LRP1B: variants seen among roughly 807,000 people sequenced by gnomAD.
LRP1B encodes LDL receptor related protein 1B.
Under a neutral mutation model 556.6 loss-of-function variants are expected in LRP1B, and 217 were observed. The ratio of observed to expected loss-of-function variants is 0.39; its 90% CI spans 0.35 to 0.44. The LOEUF is 0.44. LRP1B is among the 20% of genes least tolerant of loss of function. The pLI is 1.00. For missense variants in LRP1B, 5,053 were observed against 5,620.8 expected (o/e 0.90, Z 3.23); for synonymous variants, 2,047 against 1,865.8 (o/e 1.10, Z -2.50).
At chr2:141,221,663 T>A (rs530976877) in intron 6 of LRP1B, among the ~76,000 whole-genome samples, 9 of 152,262 alleles carry the variant, frequency 5.9e-5, no homozygotes, top group African/African-American at 2.2e-4. Flanking sequence ...CTAAAATGGA[T>A]CATATAATTG....
At chr2:140,500,574 A>G (rs978297811) in intron 55 of LRP1B, among the ~76,000 whole-genome samples, 2 of 151,980 alleles carry the variant, frequency 1.3e-5, no homozygotes, top group African/African-American at 4.8e-5. Flanking sequence ...TCTGCCTTGT[A>G]TTGAACAGAA....
chr2:141,481,894 A>T (rs886686364), intron 2 of LRP1B, among the ~76,000 whole-genome samples: 1 of 152,196 alleles, frequency 6.6e-6, no homozygotes, highest in Non-Finnish European at 1.5e-5. Context: ...ATCATAGTTA[A>T]GTAAAAAATG....
At chr2:141,453,710 G>A (rs1459271701) in intron 3 of LRP1B, among the ~76,000 whole-genome samples, 1 of 152,094 alleles carries the variant, frequency 6.6e-6, no homozygotes, top group Admixed American at 6.6e-5. Flanking sequence ...CTGAGGTCGG[G>A]AGTTTGAGAC....
chr2:141,547,105 A>G (rs965285840), intron 2 of LRP1B, among the ~76,000 whole-genome samples: 4 of 152,188 alleles, frequency 2.6e-5, no homozygotes, highest in African/African-American at 9.6e-5. Flanking sequence ...TCCAACAAAC[A>G]GCGTAAACCA....
chr2:141,018,429 G>A (rs1289140550), intron 12 of LRP1B, among the ~76,000 whole-genome samples: 1 of 152,110 alleles, frequency 6.6e-6, no homozygotes, highest in Non-Finnish European at 1.5e-5. Context: ...AATCAGAATT[G>A]CCTTCAAAGA....
At chr2:140,335,460 C>T (rs992655724) in intron 78 of LRP1B, among the ~76,000 whole-genome samples, 155 bp downstream of exon 78, 3 of 151,824 alleles carry the variant, frequency 2.0e-5, no homozygotes, top group African/African-American at 7.3e-5. Context: ...ATGAATAGGA[C>T]ATGCTTTTTT....
At chr2:140,636,112 T>C (rs1485276802) in intron 41 of LRP1B, among the ~76,000 whole-genome samples, 2 of 152,122 alleles carry the variant, frequency 1.3e-5, no homozygotes, top group Non-Finnish European at 2.9e-5. Flanking sequence ...AAGCTAGGAT[T>C]ATTGGAGACA....
intron 7 of LRP1B, among the ~76,000 whole-genome samples, chr2:141,066,827 A>G (rs951707125): frequency 2.0e-5 from 3 of 151,928 alleles, no homozygotes; most frequent in Non-Finnish European, 2.9e-5. Context: ...AAAACAAGGT[A>G]TTTTACGTAA....
At chr2:140,818,041 TA>T (rs778302392) in intron 31 of LRP1B, among the ~76,000 whole-genome samples, 5 of 152,124 alleles carry the variant, frequency 3.3e-5, no homozygotes, top group African/African-American at 1.2e-4. Context: ...ATATACAATT[TA>T]AAAAAAATTG....
chr2:140,533,617 G>A (rs1375032832), intron 47 of LRP1B, among the ~76,000 whole-genome samples: 1 of 152,082 alleles, frequency 6.6e-6, no homozygotes, highest in Non-Finnish European at 1.5e-5. Flanking sequence ...CTGGATATGT[G>A]GGAAGGAGAA....
At chr2:141,416,978 TTCTA>T (rs1331739404) in intron 3 of LRP1B, among the ~76,000 whole-genome samples, 2 of 152,234 alleles carry the variant, frequency 1.3e-5, no homozygotes, top group East Asian at 1.9e-4. Context: ...ATTACCAGAA[TTCTA>T]TCTATCATTC....
chr2:140,862,520 C>G (rs746867608), intron 27 of LRP1B, among the ~76,000 whole-genome samples: 8 of 152,062 alleles, frequency 5.3e-5, no homozygotes, highest in African/African-American at 9.7e-5. Context: ...TAAAGCCATC[C>G]CATATTCTTC....
chr2:142,023,276 A>G (rs1355469750), intron 1 of LRP1B, among the ~76,000 whole-genome samples: 1 of 152,156 alleles, frequency 6.6e-6, no homozygotes, highest in Admixed American at 6.5e-5. Context: ...CCCATTTTCA[A>G]TGCCCCACCT....
chr2:141,773,814 G>T (rs563559652), intron 2 of LRP1B, among the ~76,000 whole-genome samples: 5 of 152,360 alleles, frequency 3.3e-5, no homozygotes, highest in Non-Finnish European at 7.3e-5. Context: ...AAGCATGATG[G>T]TGGGTTATGC....
At chr2:141,555,954 T>C (rs1685947960) in intron 2 of LRP1B, among the ~76,000 whole-genome samples, 2 of 151,902 alleles carry the variant, frequency 1.3e-5, no homozygotes, top group African/African-American at 2.4e-5. Flanking sequence ...TTGTTTTGTT[T>C]TGTTTTGTTT....
intron 43 of LRP1B, among the ~76,000 whole-genome samples, chr2:140,544,521 T>G (rs1309297244): frequency 3.9e-5 from 6 of 152,132 alleles, no homozygotes; most frequent in African/African-American, 1.2e-4. Context: ...CTCCTCTATA[T>G]GTCCACGTGT....
intron 1 of LRP1B, among the ~76,000 whole-genome samples, chr2:142,010,697 G>T (rs1365973483): frequency 6.6e-6 from 1 of 151,980 alleles, no homozygotes. Flanking sequence ...GTGGTTGTAG[G>T]CTGTATTCTG....
intron 6 of LRP1B, among the ~76,000 whole-genome samples, chr2:141,220,222 A>T (rs775655834): frequency 1.3e-5 from 2 of 152,252 alleles, no homozygotes; most frequent in Non-Finnish European, 2.9e-5. Context: ...CAGTTTAGAC[A>T]GGAACATAAA....
chr2:140,438,286 T>A lies in LRP1B; in HGVS notation c.10414+4218A>T, dbSNP rs189791391. Among the ~76,000 whole-genome samples, 879 of 152,318 alleles carry A rather than the reference T, an allele frequency of 5.8e-3. 28 individuals carry two copies. The highest frequency in any genetic ancestry group is 0.051 in the Admixed American group (785 of 15,290). Reference sequence around the variant, plus strand: ...TCCCAAAGTGCTGGGATTACAGGCATGAGCCACCACTCCCAGCCTGAAATA... The same window carrying A: ...TCCCAAAGTGCTGGGATTACAGGCAAGAGCCACCACTCCCAGCCTGAAATA... On this transcript the variant is annotated intron_variant, in intron 66 of 90. Transcript: ENST00000389484.
Sources: gnomAD v4.1 joint callset for allele counts (sites outside exome capture counted in the v4.1 genomes callset) on GRCh38, gnomAD v4.1.1 for gene constraint, MANE v1.5 for transcripts, NCBI Gene and HGNC (gene_info 2026-07-23, HGNC 2026-07-21) for gene names.